RERE: variants seen among roughly 807,000 people sequenced by gnomAD.
RERE encodes the protein arginine-glutamic acid dipeptide repeats protein.
A neutral mutation model predicts 146.1 loss-of-function variants in RERE; 40 were observed. That is an observed-to-expected ratio of 0.27 (90% CI 0.21 to 0.36). RERE has a LOEUF of 0.36. Among genes scored for constraint, RERE ranks in the 10% least tolerant of loss-of-function variants. The probability of loss-of-function intolerance (pLI) is 1.00; values close to 1 mark genes in which losing one functional copy is unlikely to be tolerated. For synonymous variants in RERE, 1,003 were observed against 866.0 expected (o/e 1.16, Z -2.78); for missense variants, 1,933 against 2,138.7 (o/e 0.90, Z 1.90).
chr1:8,622,486 TAAAAAAAAAAA>T (rs1167355778), intron 3 of RERE, among the ~76,000 whole-genome samples: 2 of 43,016 alleles, frequency 4.6e-5, no homozygotes, highest in Non-Finnish European at 8.7e-5. Context: ...TGTATCTGTT[TAAAAAAAAAAA>T]AAAAAAAAAA....
chr1:8,465,414 T>G (rs554144757), intron 11 of RERE: 1 of 282,476 alleles, frequency 3.5e-6, no homozygotes, highest in East Asian at 9.0e-5. Context: ...AAGCCAAGCA[T>G]GGTAGAGCAT....
chr1:8,599,369 A>T (rs1209600013), intron 4 of RERE, among the ~76,000 whole-genome samples: 3 of 152,226 alleles, frequency 2.0e-5, no homozygotes, highest in Non-Finnish European at 4.4e-5. Context: ...AACGTGTGTT[A>T]ATCAAGTGTC....
At chr1:8,595,525 ATTTAT>A (rs910655367) in intron 4 of RERE, among the ~76,000 whole-genome samples, 2 of 151,436 alleles carry the variant, frequency 1.3e-5, no homozygotes, top group African/African-American at 4.8e-5. Context: ...TATTTTATGT[ATTTAT>A]TTTAATGTAT....
At chr1:8,557,281 G>GA (rs1646019173) in intron 5 of RERE, 137 bp downstream of exon 5, 1 of 613,964 alleles carries the variant, frequency 1.6e-6, no homozygotes, top group Admixed American at 2.5e-5. Flanking sequence ...TAGCCAATGT[G>GA]AATCATCAAG....
chr1:8,626,696 A>C (rs1283339200), intron 2 of RERE, among the ~76,000 whole-genome samples: 1 of 152,182 alleles, frequency 6.6e-6, no homozygotes, highest in Non-Finnish European at 1.5e-5. Flanking sequence ...CTCCACACAG[A>C]AACATTCCAA....
At chr1:8,783,570 C>T (rs766413654) in intron 1 of RERE, among the ~76,000 whole-genome samples, 3 of 151,976 alleles carry the variant, frequency 2.0e-5, no homozygotes, top group Non-Finnish European at 4.4e-5. Context: ...TATGGGAGGC[C>T]GAAGTGGGAG....
intron 3 of RERE, among the ~76,000 whole-genome samples, chr1:8,623,892 C>T (rs1210713467): frequency 2.0e-5 from 3 of 152,128 alleles, no homozygotes; most frequent in Admixed American, 6.5e-5. Flanking sequence ...CCACACCTGC[C>T]GAAATATTGA....
At chr1:8,498,301 T>C (rs141945800) in intron 8 of RERE, among the ~76,000 whole-genome samples, 1 of 152,194 alleles carries the variant, frequency 6.6e-6, no homozygotes, top group Non-Finnish European at 1.5e-5. Flanking sequence ...GAGGTTGCAG[T>C]GAGCTGAGAT....
chr1:8,471,803 T>G (rs1644689847), intron 10 of RERE, among the ~76,000 whole-genome samples: 1 of 152,142 alleles, frequency 6.6e-6, no homozygotes, highest in Non-Finnish European at 1.5e-5. Flanking sequence ...CATGAGCCAC[T>G]GCACCTGCCC....
At chr1:8,568,113 C>T (rs1425971840) in intron 4 of RERE, among the ~76,000 whole-genome samples, 1 of 152,062 alleles carries the variant, frequency 6.6e-6, no homozygotes, top group African/African-American at 2.4e-5. Context: ...AGCATCTAAT[C>T]GGCTGGGGTC....
intron 4 of RERE, among the ~76,000 whole-genome samples, chr1:8,612,786 T>C (rs1646807948): frequency 6.6e-6 from 1 of 152,224 alleles, no homozygotes; most frequent in Non-Finnish European, 1.5e-5. Context: ...TGGTAATTGC[T>C]AAAGGCTGAA....
chr1:8,790,348 TA>T (rs1268597480), intron 1 of RERE, among the ~76,000 whole-genome samples: 1 of 152,218 alleles, frequency 6.6e-6, no homozygotes, highest in Non-Finnish European at 1.5e-5. Context: ...GTCTCCCCAG[TA>T]CCTTCTATAC....
intron 10 of RERE, among the ~76,000 whole-genome samples, chr1:8,473,033 T>C (rs957862978): frequency 6.6e-6 from 1 of 152,184 alleles, no homozygotes; most frequent in Admixed American, 6.5e-5. Flanking sequence ...AAAACACTGA[T>C]TTCTTGAACA....
At chr1:8,791,849 A>G (rs546866467) in intron 1 of RERE, among the ~76,000 whole-genome samples, 31 of 152,236 alleles carry the variant, frequency 2.0e-4, no homozygotes, top group Non-Finnish European at 3.8e-4. Flanking sequence ...ATACTAAGAA[A>G]AGAAAACTTG....
At chr1:8,635,972 CTTATCTTATTTTATT>C (rs577548856) in intron 2 of RERE, among the ~76,000 whole-genome samples, 20 of 143,824 alleles carry the variant, frequency 1.4e-4, no homozygotes, top group African/African-American at 3.9e-4. Context: ...CTTATCTTAT[CTTATCTTATTTTATT>C]TTATTTTATT....
intron 1 of RERE, among the ~76,000 whole-genome samples, chr1:8,715,080 G>T (rs868295213): frequency 6.6e-6 from 1 of 151,768 alleles, no homozygotes; most frequent in Non-Finnish European, 1.5e-5. Flanking sequence ...CACCATGTTC[G>T]CCAGGATGCT....
intron 1 of RERE, among the ~76,000 whole-genome samples, chr1:8,804,894 C>T (rs1044585550): frequency 5.9e-5 from 9 of 152,048 alleles, no homozygotes; most frequent in Non-Finnish European, 1.3e-4. Context: ...TGGTTTCTAC[C>T]ACTCACTGCT....
rs781075882 is a variant in RERE at position 8,694,978 on chromosome 1, G to GGGA, written c.-144-38538_-144-38537insTCC. On this transcript the variant is annotated intron_variant, in intron 1 of 22. Coordinates refer to ENST00000400908, the MANE Select transcript of RERE (RefSeq NM_001042681.2). ...AAAGAGCCAAAGAAATCCTAAGGGG[G>GGGA]GGGGGGGAATGCTGGCAGCATCACA... 8.5e-5 allele frequency among the ~76,000 whole-genome samples: 8 copies of GGGA among 94,532 alleles called. 1 individual carries two copies. Among genetic ancestry groups the GGGA allele is most frequent in the Non-Finnish European group, 1.8e-4 (7 of 38,664 alleles). The allele number at this position is 94,532 out of a possible 152,430, so 62.0% of individuals were successfully genotyped here. A position where few individuals can be genotyped will look rare whatever the true frequency, so the allele number is the denominator to read the frequency against.
At chr1:8,611,437 G>A (rs915909036) in intron 4 of RERE, among the ~76,000 whole-genome samples, 4 of 151,868 alleles carry the variant, frequency 2.6e-5, no homozygotes, top group African/African-American at 9.7e-5. Context: ...CCAAGAGGTG[G>A]AGGTTGCAGT....
Sources: gnomAD v4.1 joint callset for allele counts (sites outside exome capture counted in the v4.1 genomes callset) on GRCh38, gnomAD v4.1.1 for gene constraint, MANE v1.5 for transcripts, NCBI Gene and HGNC (gene_info 2026-07-23, HGNC 2026-07-21) for gene names.